Variants in NMRK1 observed in about 807,000 individuals in gnomAD.
NMRK1 encodes NRK 1.
In NMRK1, 28 loss-of-function variants were observed where a neutral mutation model predicts 29.9. The observed-to-expected ratio is 0.94, with a 90% CI of 0.69 to 1.28. The LOEUF (loss-of-function observed/expected upper bound fraction) is 1.28. NMRK1 is among the 50% of genes most tolerant of loss of function. The pLI is 0.00. For missense variants in NMRK1, 218 were observed against 233.1 expected (o/e 0.94, Z 0.42); for synonymous variants, 58 against 73.0 (o/e 0.79, Z 1.05).
At chr9:75,076,407 G>C (rs563883068) in intron 4 of NMRK1, among the ~76,000 whole-genome samples, 59 of 152,052 alleles carry the variant, frequency 3.9e-4, no homozygotes, top group Non-Finnish European at 6.9e-4. Context: ...GTAGACTGGT[G>C]GTTACCAGAG....
intron 4 of NMRK1, among the ~76,000 whole-genome samples, chr9:75,071,990 G>A (rs1823727473): frequency 1.3e-5 from 2 of 152,194 alleles, no homozygotes; most frequent in Admixed American, 1.3e-4. Flanking sequence ...ACCCTGCCTT[G>A]CTAATGCTGA....
rs573021895 is a variant in NMRK1, at chr9:75,078,506, C to T, written c.30-926G>A. On this transcript the variant is annotated intron_variant, in intron 2 of 8. Coordinates refer to ENST00000361092, the MANE Select transcript of NMRK1 (RefSeq NM_017881.3). Reference sequence around the variant, plus strand: ...CTCTTTAGATCTAGTTTTGCAGCATCGAGGAGATCACACGGGAGGGAGGCA... The same window carrying T: ...CTCTTTAGATCTAGTTTTGCAGCATTGAGGAGATCACACGGGAGGGAGGCA... The T allele has an allele frequency of 1.5e-4, 209 of 1,367,170 alleles. No homozygotes were observed. In the African/African-American group the frequency reaches 2.2e-3, roughly 15 times the overall value. The allele number at this position is 1,367,170 out of a possible 1,614,324, so 84.7% of individuals were successfully genotyped here. A position where few individuals can be genotyped will look rare whatever the true frequency, so the allele number is the denominator to read the frequency against.
chr9:75,087,053 C>T (rs1824696278), intron 1 of NMRK1, among the ~76,000 whole-genome samples: 1 of 152,002 alleles, frequency 6.6e-6, no homozygotes, highest in Non-Finnish European at 1.5e-5. Context: ...CTACAGGCGT[C>T]TGCCACCACG....
At chr9:75,072,819 T>A (rs1421603798) in intron 4 of NMRK1, among the ~76,000 whole-genome samples, 1 of 152,336 alleles carries the variant, frequency 6.6e-6, no homozygotes, top group East Asian at 1.9e-4. Flanking sequence ...TCCATGCCCT[T>A]GCATATATGG....
Position 75,065,358 on chromosome 9 carries a change from C to T in NMRK1, c.580+1399G>A, listed in dbSNP as rs190119894. Among the ~76,000 whole-genome samples, 40 of 152,132 alleles carry T rather than the reference C, an allele frequency of 2.6e-4. No individual in the cohort carries two copies. The East Asian group carries it at 5.4e-3, about 21-fold the overall frequency. On this transcript the variant is annotated intron_variant, in intron 8 of 8. Transcript: ENST00000361092. ...CTAATTTTTTGTATTTTAGTAGAGA[C>T]GGGGTTTCACCATGTTGGCCAGGAT...
At chr9:75,082,916 T>C (rs1824399957) in intron 2 of NMRK1, 171 bp downstream of exon 2, 16 of 594,602 alleles carry the variant, frequency 2.7e-5, no homozygotes, top group Non-Finnish European at 4.9e-5. Flanking sequence ...AACTCTTCCA[T>C]CTCTTGTTGG....
Position 75,061,358 on chromosome 9 carries a change from G to C in NMRK1, c.*190C>G. ...CCTGGAGAGGGAGCAACTTGCTAAG[G>C]TACAGTCCTGTCCATTGGCATGGAT... On this transcript the variant is annotated 3_prime_UTR_variant, in exon 9 of 9. Transcript: ENST00000361092. The C allele has an allele frequency of 1.7e-6, 1 of 578,358 alleles. No individual in the cohort carries two copies. The highest frequency in any genetic ancestry group is 3.5e-5 in the Admixed American group (1 of 28,536). 35.8% of individuals were successfully genotyped at this position (578,358 alleles called of 1,614,324 possible). A position where few individuals can be genotyped will look rare whatever the true frequency, so the allele number is the denominator to read the frequency against.
At chr9:75,065,332 G>T (rs929632951) in intron 8 of NMRK1, among the ~76,000 whole-genome samples, 1 of 151,988 alleles carries the variant, frequency 6.6e-6, no homozygotes, top group South Asian at 2.1e-4. Flanking sequence ...ACCACACCTG[G>T]CTAATTTTTT....
chr9:75,073,844 T>C (rs550296754), intron 4 of NMRK1, among the ~76,000 whole-genome samples: 4 of 152,226 alleles, frequency 2.6e-5, no homozygotes, highest in Non-Finnish European at 5.9e-5. Flanking sequence ...TTTAATGTTA[T>C]GGTATTAGGT....
intron 1 of NMRK1, chr9:75,087,402 T>C (rs1824723681): frequency 6.6e-6 from 1 of 152,056 alleles, no homozygotes; most frequent in African/African-American, 2.4e-5. Context: ...AGGAAAACTT[T>C]TTCTGTAAAG....
Position 75,070,010 on chromosome 9 carries a change from ACAT to A in NMRK1, c.199_201del (p.Met67del). ...CTTTCCATCCAGCAGGAAATGGCTG[ACAT>A]CATTTTTTCCATGTTAAGTGCTTCA... On this transcript the variant is annotated inframe_deletion, in exon 5 of 9. Coordinates refer to ENST00000361092, the MANE Select transcript of NMRK1 (RefSeq NM_017881.3). 6.2e-7 allele frequency: 1 copy of A among 1,613,678 alleles called. No homozygotes were observed. Among genetic ancestry groups the A allele is most frequent in the African/African-American group, 1.3e-5 (1 of 75,044 alleles).
chr9:75,066,724 C>T (rs1270089311), intron 8 of NMRK1, 33 bp downstream of exon 8: 1 of 1,203,554 alleles, frequency 8.3e-7, no homozygotes, highest in Non-Finnish European at 1.2e-6. Context: ...GCTGTTTCTC[C>T]TCTACCATCC....
chr9:75,078,220 G>A (rs1292754786), intron 2 of NMRK1: 13 of 1,492,450 alleles, frequency 8.7e-6, no homozygotes, highest in Non-Finnish European at 9.0e-7. Flanking sequence ...GAGAATATGA[G>A]TAGCACATTT....
intron 4 of NMRK1, among the ~76,000 whole-genome samples, chr9:75,076,461 A>G (rs1000416447): frequency 1.3e-5 from 2 of 152,228 alleles, no homozygotes; most frequent in East Asian, 3.9e-4. Context: ...GGGAGAAAAA[A>G]AAGTATTTAT....
At chr9:75,061,642 G>C in intron 8 of NMRK1, 75 bp from the exon 9 acceptor site, 1 of 1,229,872 alleles carries the variant, frequency 8.1e-7, no homozygotes, top group South Asian at 1.3e-5. Flanking sequence ...ATCAACAACA[G>C]TAAATCTAAG....
At chr9:75,072,201 G>A (rs1823738583) in intron 4 of NMRK1, among the ~76,000 whole-genome samples, 1 of 152,142 alleles carries the variant, frequency 6.6e-6, no homozygotes, top group South Asian at 2.1e-4. Flanking sequence ...TATGTAGGAG[G>A]CAAAAAGAAA....
chr9:75,073,318 C>T (rs1297674446), intron 4 of NMRK1, among the ~76,000 whole-genome samples: 1 of 152,222 alleles, frequency 6.6e-6, no homozygotes, highest in Non-Finnish European at 1.5e-5. Context: ...ACCCACCCTG[C>T]TGACACCTGG....
At chr9:75,076,281 G>T (rs552511959) in intron 4 of NMRK1, among the ~76,000 whole-genome samples, 1 of 152,202 alleles carries the variant, frequency 6.6e-6, no homozygotes, top group South Asian at 2.1e-4. Context: ...GCAGCAACAT[G>T]GATGGAACGG....
intron 2 of NMRK1, among the ~76,000 whole-genome samples, chr9:75,079,710 CGGAAAGGAATAGGAACCTTCCTTGG>C (rs547903080): frequency 7.9e-5 from 12 of 151,222 alleles, no homozygotes; most frequent in Non-Finnish European, 7.4e-5. Flanking sequence ...CAAAACATGG[CGGAAAGGAATAGGAACCTTCCTTGG>C]GGAAGGGAAT....
Sources: gnomAD v4.1 joint callset for allele counts (sites outside exome capture counted in the v4.1 genomes callset) on GRCh38, gnomAD v4.1.1 for gene constraint, MANE v1.5 for transcripts, NCBI Gene and HGNC (gene_info 2026-07-23, HGNC 2026-07-21) for gene names.